The following ZFAT variants were observed in gnomAD, a reference collection of about 807,000 sequenced individuals.
The protein encoded by ZFAT is zinc finger protein ZFAT.
Under a neutral mutation model 117.7 loss-of-function variants are expected in ZFAT, and 64 were observed. The observed-to-expected ratio is 0.54, with a 90% confidence interval of 0.44 to 0.67. The LOEUF (loss-of-function observed/expected upper bound fraction) is 0.67, where lower values mean the gene tolerates loss of function less well. ZFAT is among the 30% of genes least tolerant of loss of function. The pLI is 0.00. For missense variants in ZFAT, 1,433 were observed against 1,584.5 expected (o/e 0.90, Z 1.62); for synonymous variants, 679 against 615.0 (o/e 1.10, Z -1.54).
intron 15 of ZFAT, among the ~76,000 whole-genome samples, chr8:134,494,898 A>G (rs1405991422): frequency 6.6e-6 from 1 of 152,224 alleles, no homozygotes; most frequent in African/African-American, 2.4e-5. Flanking sequence ...TGGTGTTGAC[A>G]TGACAGTCTC....
chr8:134,563,749 T>G (rs1418552981), intron 11 of ZFAT, among the ~76,000 whole-genome samples: 6 of 152,210 alleles, frequency 3.9e-5, no homozygotes, highest in African/African-American at 1.2e-4. Flanking sequence ...GTACAGTGCC[T>G]GCACGCAATG....
chr8:134,607,353 C>G (rs1030100998), intron 5 of ZFAT, among the ~76,000 whole-genome samples: 3 of 152,208 alleles, frequency 2.0e-5, no homozygotes, highest in Non-Finnish European at 2.9e-5. Flanking sequence ...ATTAATGAAG[C>G]ATACCACATG....
chr8:134,750,500 C>T, the ZFAT span, among the ~76,000 whole-genome samples: 1 of 152,114 alleles, frequency 6.6e-6, no homozygotes, highest in Admixed American at 6.6e-5. Context: ...GAAGTACAGA[C>T]TTGCTCCTAA....
chr8:134,803,232 A>C, the ZFAT span, among the ~76,000 whole-genome samples: 3 of 152,230 alleles, frequency 2.0e-5, no homozygotes, highest in African/African-American at 7.2e-5. Flanking sequence ...TGCATAAATT[A>C]TGCATCCATC....
Position 134,657,642 on chromosome 8 carries a change from C to T in ZFAT, c.115G>A (p.Gly39Arg), listed in dbSNP as rs758842226. ...SHVSEKHMEEGVNVDEIIIPL... is the reference protein window; with the variant it reads ...SHVSEKHMEERVNVDEIIIPL... Reference sequence around the variant, plus strand: ...ATAATAATCTCATCAACATTAACCCCTTCTTCCATGTGCTTCTCTGAAACG... The same window carrying T: ...ATAATAATCTCATCAACATTAACCCTTTCTTCCATGTGCTTCTCTGAAACG... The change falls in exon 2 of 16, where the codon GGG (glycine) becomes AGG (arginine). Residue 39 changes from glycine to arginine, a missense_variant. Physicochemically the swap from Gly to Arg is moderately radical, Grantham distance 125 (BLOSUM62 -2). This residue lies in a region of ZFAT where 436 missense variants were observed against 482.0 expected (regional missense o/e 0.90). Transcript: ENST00000377838. 1.5e-5 allele frequency: 24 copies of T among 1,614,012 alleles called. No homozygotes were observed. The highest frequency in any genetic ancestry group is 1.9e-5 in the Non-Finnish European group (22 of 1,180,038).
At chr8:134,697,329 G>C (rs1833891435) in intron 1 of ZFAT, among the ~76,000 whole-genome samples, 1 of 151,178 alleles carries the variant, frequency 6.6e-6, no homozygotes, top group Non-Finnish European at 1.5e-5. Flanking sequence ...GGCCAGGCTG[G>C]TATTGAACTC....
chr8:134,692,926 G>T (rs1203743119), intron 1 of ZFAT, among the ~76,000 whole-genome samples: 1 of 152,214 alleles, frequency 6.6e-6, no homozygotes, highest in Admixed American at 6.5e-5. Context: ...TGTCAGAGAA[G>T]GGAGTTATCA....
At chr8:134,495,898 C>A (rs1041017523) in intron 15 of ZFAT, among the ~76,000 whole-genome samples, 1 of 151,996 alleles carries the variant, frequency 6.6e-6, no homozygotes, top group Non-Finnish European at 1.5e-5. Flanking sequence ...CCACTGTACT[C>A]CAGCCTTGGT....
At chr8:134,729,585 G>C in the ZFAT span, among the ~76,000 whole-genome samples, 1 of 152,150 alleles carries the variant, frequency 6.6e-6, no homozygotes, top group South Asian at 2.1e-4. Flanking sequence ...CACCCACCTC[G>C]GCCTCACCTC....
At chr8:134,797,051 GGACT>G in the ZFAT span, 1 of 152,132 alleles carries the variant, frequency 6.6e-6, no homozygotes, top group Non-Finnish European at 1.5e-5. Flanking sequence ...TGAAAAAGAA[GGACT>G]GACAATACCC....
intron 3 of ZFAT, among the ~76,000 whole-genome samples, chr8:134,631,964 C>T (rs768291060): frequency 7.2e-5 from 11 of 152,182 alleles, no homozygotes; most frequent in South Asian, 2.1e-4. Flanking sequence ...GTATTTTCTC[C>T]GTGGACCCTA....
At position 134,602,511 on chromosome 8, in the gene ZFAT, A is replaced by G; in HGVS notation, c.1208T>C (p.Leu403Pro). Residue 403 changes from leucine (L) to proline (P), a missense_variant, in exon 6 of 16, where the codon CTC (leucine) becomes CCC (proline). Coordinates refer to ENST00000377838, the MANE Select transcript of ZFAT (RefSeq NM_020863.4). ...LMTREGKRQL[L>P]YDCHICERKF... ...GCGCTCACAGATGTGGCAGTCATAGAGCAGCTGCCGCTTGCCCTCCCTCGT... is the reference window on the plus strand; with the variant it reads ...GCGCTCACAGATGTGGCAGTCATAGGGCAGCTGCCGCTTGCCCTCCCTCGT... The G allele has an allele frequency of 6.2e-7, 1 of 1,613,886 alleles. No homozygotes were observed. The highest frequency in any genetic ancestry group is 8.5e-7 in the Non-Finnish European group (1 of 1,180,026).
At chr8:134,649,205 C>T (rs1038545368) in intron 2 of ZFAT, among the ~76,000 whole-genome samples, 4 of 74,640 alleles carry the variant, frequency 5.4e-5, no homozygotes, top group South Asian at 6.2e-4. Flanking sequence ...ACACACACCC[C>T]ATCATACTTA....
chr8:134,711,699 G>A (rs1814005272), intron 1 of ZFAT, among the ~76,000 whole-genome samples: 1 of 152,182 alleles, frequency 6.6e-6, no homozygotes, highest in Admixed American at 6.5e-5. Flanking sequence ...TCGGCTCTGG[G>A]CCCACTCTGT....
intron 11 of ZFAT, among the ~76,000 whole-genome samples, chr8:134,543,887 C>T (rs182358763): frequency 6.6e-6 from 1 of 152,244 alleles, no homozygotes; most frequent in East Asian, 1.9e-4. Flanking sequence ...TAAAACAATG[C>T]CCCCTCTTAT....
chr8:134,754,818 G>A, the ZFAT span, among the ~76,000 whole-genome samples: 2,913 of 152,256 alleles, frequency 0.019, 78 homozygotes, highest in African/African-American at 0.067. Context: ...CCAATGAGAG[G>A]TGCTGAGGGG....
At chr8:134,481,942 G>A (rs925768024) in intron 15 of ZFAT, among the ~76,000 whole-genome samples, 1 of 152,174 alleles carries the variant, frequency 6.6e-6, no homozygotes, top group African/African-American at 2.4e-5. Flanking sequence ...CAAGGCCACC[G>A]GCCACCTCCC....
chr8:134,808,642 T>C, the ZFAT span, among the ~76,000 whole-genome samples: 2 of 152,124 alleles, frequency 1.3e-5, no homozygotes, highest in African/African-American at 2.4e-5. Flanking sequence ...AAATGGAACA[T>C]GAAGATGAAA....
chr8:134,704,572 C>T (rs1164067364), intron 1 of ZFAT, among the ~76,000 whole-genome samples: 7 of 152,122 alleles, frequency 4.6e-5, no homozygotes, highest in Non-Finnish European at 8.8e-5. Flanking sequence ...TTTTGTCCCT[C>T]CAAAAAGTGT....
Sources: allele counts gnomAD v4.1 joint callset (sites outside exome capture counted in the v4.1 genomes callset), GRCh38; gene constraint gnomAD v4.1.1; regional missense constraint gnomAD v4.1.1; transcripts MANE v1.5; gene names NCBI Gene and HGNC (gene_info 2026-07-23, HGNC 2026-07-21).